Variants in PHKB observed in about 807,000 individuals in gnomAD.
PHKB encodes phosphorylase kinase regulatory subunit beta.
Under a neutral mutation model 152.1 loss-of-function variants are expected in PHKB, and 122 were observed. The ratio of observed to expected loss-of-function variants is 0.80; its 90% confidence interval spans 0.69 to 0.93. PHKB has a LOEUF of 0.93. Among genes scored for constraint, PHKB ranks in the 40% least tolerant of loss-of-function variants. The pLI, the probability that PHKB is intolerant of heterozygous loss-of-function variation, is 0.00. For missense variants in PHKB, 1,304 were observed against 1,328.4 expected (o/e 0.98, Z 0.29); for synonymous variants, 436 against 464.9 (o/e 0.94, Z 0.80).
intron 18 of PHKB, among the ~76,000 whole-genome samples, chr16:47,650,168 T>C (rs909133338): frequency 1.3e-5 from 2 of 152,028 alleles, no homozygotes; most frequent in Non-Finnish European, 2.9e-5. Flanking sequence ...TCCCAGCACT[T>C]TGGGAGGCTG....
intron 1 of PHKB, among the ~76,000 whole-genome samples, chr16:47,470,062 C>T (rs1304443967): frequency 6.6e-6 from 1 of 152,130 alleles, no homozygotes; most frequent in African/African-American, 2.4e-5. Flanking sequence ...TCACAGAAAT[C>T]CTCTTGCCTA....
intron 26 of PHKB, among the ~76,000 whole-genome samples, chr16:47,679,417 C>T (rs958094677): frequency 2.0e-5 from 3 of 152,186 alleles, no homozygotes; most frequent in Middle Eastern, 3.2e-3. Flanking sequence ...GAATGTTCTT[C>T]CATTTGTTTG....
intron 6 of PHKB, among the ~76,000 whole-genome samples, chr16:47,533,835 C>G (rs1482499660): frequency 6.6e-6 from 1 of 152,114 alleles, no homozygotes; most frequent in Non-Finnish European, 1.5e-5. Context: ...CTTGGCACCC[C>G]CAAGAGCACA....
intron 14 of PHKB, among the ~76,000 whole-genome samples, chr16:47,616,925 T>C (rs1389453282): frequency 6.6e-6 from 1 of 151,070 alleles, no homozygotes; most frequent in Admixed American, 6.6e-5. Context: ...ATCTGCAGCA[T>C]GAACATGTCC....
intron 1 of PHKB, among the ~76,000 whole-genome samples, chr16:47,471,137 C>G (rs1453747574): frequency 6.6e-6 from 1 of 152,158 alleles, no homozygotes; most frequent in Non-Finnish European, 1.5e-5. Context: ...AGGAAAGCCT[C>G]TCTGGAAGTG....
In PHKB at chr16:47,497,393, T is replaced by C. The variant is rs1970250333; in HGVS notation, c.77-6T>C. On this transcript the variant is annotated splice_polypyrimidine_tract_variant and splice_region_variant and intron_variant, in intron 1 of 30. Transcript: ENST00000323584. ...GAATTTGATGGGTTTTTATTTTTTCTTTTAGGCTCAGTTTATGAACCTCTT... is the reference window on the plus strand; with the variant it reads ...GAATTTGATGGGTTTTTATTTTTTCCTTTAGGCTCAGTTTATGAACCTCTT... The C allele has an allele frequency of 6.4e-7, 1 of 1,569,988 alleles. No homozygotes were observed. Among genetic ancestry groups the C allele is most frequent in the South Asian group, 1.1e-5 (1 of 90,198 alleles).
chr16:47,641,697 G>C lies in PHKB; in HGVS notation c.1608+5G>C. The C allele has an allele frequency of 6.7e-7, 1 of 1,482,962 alleles. No homozygotes were observed. Among genetic ancestry groups the C allele is most frequent in the Non-Finnish European group, 9.4e-7 (1 of 1,060,472 alleles). The allele number at this position is 1,482,962 out of a possible 1,614,324, so 91.9% of individuals were successfully genotyped here. A position where few individuals can be genotyped will look rare whatever the true frequency, so the allele number is the denominator to read the frequency against. The stretch of plus-strand genomic sequence containing the variant: ...CCTCAGCAGGAGCTTGTGAAAGTAA[G>C]TGATTCTGCCTTTTACTTTCCTTAC... On this transcript the variant is annotated splice_donor_5th_base_variant and intron_variant, in intron 16 of 30. Transcript: ENST00000323584.
intron 7 of PHKB, among the ~76,000 whole-genome samples, chr16:47,555,622 G>T (rs1205517675): frequency 6.6e-6 from 1 of 152,114 alleles, no homozygotes; most frequent in Admixed American, 6.5e-5. Flanking sequence ...GCTTATAATA[G>T]AATAATTTAG....
chr16:47,656,471 AAT>A (rs1973340585), intron 20 of PHKB, among the ~76,000 whole-genome samples: 1 of 152,258 alleles, frequency 6.6e-6, no homozygotes. Context: ...AAATGTCAAC[AAT>A]ATTTTTGAAG....
At chr16:47,642,914 GGA>G (rs1394668600) in intron 16 of PHKB, among the ~76,000 whole-genome samples, 2 of 152,166 alleles carry the variant, frequency 1.3e-5, no homozygotes, top group Non-Finnish European at 2.9e-5. Flanking sequence ...CAACGTGGAG[GGA>G]GAGAGAAGGA....
At chr16:47,519,374 G>A (rs541574659) in intron 6 of PHKB, among the ~76,000 whole-genome samples, 19 of 152,282 alleles carry the variant, frequency 1.2e-4, no homozygotes, top group African/African-American at 4.6e-4. Flanking sequence ...AGGAAATATG[G>A]GAGCAGCTAA....
At chr16:47,565,492 G>A (rs966439225) in intron 7 of PHKB, 11 of 1,389,946 alleles carry the variant, frequency 7.9e-6, no homozygotes, top group South Asian at 1.2e-5. Context: ...TGGAGGGGCT[G>A]GCATTACCTT....
intron 4 of PHKB, among the ~76,000 whole-genome samples, chr16:47,506,304 T>C (rs954708098): frequency 1.3e-5 from 2 of 152,154 alleles, no homozygotes; most frequent in Non-Finnish European, 2.9e-5. Flanking sequence ...TACTAGAATA[T>C]GGCAACAAGA....
intron 27 of PHKB, among the ~76,000 whole-genome samples, chr16:47,693,162 A>C (rs1197400577): frequency 6.6e-6 from 1 of 152,194 alleles, no homozygotes; most frequent in Non-Finnish European, 1.5e-5. Flanking sequence ...TTGTCTGTTA[A>C]ATTTTTTAGA....
At chr16:47,510,562 A>G (rs1970493315) in intron 4 of PHKB, among the ~76,000 whole-genome samples, 1 of 152,226 alleles carries the variant, frequency 6.6e-6, no homozygotes, top group South Asian at 2.1e-4. Flanking sequence ...AATGTGTATT[A>G]TATGATTTCA....
At chr16:47,510,237 G>A (rs1430657373) in intron 4 of PHKB, among the ~76,000 whole-genome samples, 1 of 152,108 alleles carries the variant, frequency 6.6e-6, no homozygotes, top group Non-Finnish European at 1.5e-5. Context: ...GTGTTATGTA[G>A]GCATGATTGA....
At chr16:47,471,398 A>AGG (rs1411271613) in intron 1 of PHKB, among the ~76,000 whole-genome samples, 2 of 152,184 alleles carry the variant, frequency 1.3e-5, no homozygotes, top group Admixed American at 1.3e-4. Flanking sequence ...TGGAGTTGTA[A>AGG]GGCTGGATTA....
intron 14 of PHKB, among the ~76,000 whole-genome samples, chr16:47,636,281 T>A (rs1363023022): frequency 6.6e-6 from 1 of 152,222 alleles, no homozygotes; most frequent in Non-Finnish European, 1.5e-5. Flanking sequence ...ATAATAGCAG[T>A]GGCAACCTGT....
At chr16:47,486,472 G>C (rs903687500) in intron 1 of PHKB, among the ~76,000 whole-genome samples, 20 of 152,186 alleles carry the variant, frequency 1.3e-4, no homozygotes, top group South Asian at 4.1e-4. Flanking sequence ...ATGAGTCATA[G>C]GACAAACATA....
Sources: allele counts gnomAD v4.1 joint callset (sites outside exome capture counted in the v4.1 genomes callset), GRCh38; gene constraint gnomAD v4.1.1; transcripts MANE v1.5; gene names NCBI Gene and HGNC (gene_info 2026-07-23, HGNC 2026-07-21).